The following SUPT20H variants were observed in gnomAD, a reference collection of about 807,000 sequenced individuals.
The protein encoded by SUPT20H is SPT20 homolog, SAGA complex component.
In SUPT20H, 82 loss-of-function variants were observed where a neutral mutation model predicts 122.8. That is an observed-to-expected ratio of 0.67 (90% CI 0.56 to 0.80). The LOEUF is 0.80. Ranked by LOEUF, SUPT20H falls within the 30% of genes least tolerant of loss-of-function variation. The pLI is 0.00. For synonymous variants in SUPT20H, 291 were observed against 313.0 expected, an observed-to-expected ratio of 0.93 and a Z score of 0.74; for missense variants, 831 against 921.6, an observed-to-expected ratio of 0.90 and a Z score of 1.27.
chr13:37,025,241 C>T, intron 17 of SUPT20H, 79 bp downstream of exon 17: 3 of 1,263,378 alleles, frequency 2.4e-6, no homozygotes, highest in Non-Finnish European at 3.5e-6. Flanking sequence ...TGTGCCTAGC[C>T]TCCAAAAATG....
At chr13:37,045,494 T>C in intron 5 of SUPT20H, 121 bp from the exon 6 acceptor site, 2 of 1,268,042 alleles carry the variant, frequency 1.6e-6, no homozygotes. Flanking sequence ...ATTATGATTC[T>C]GAATAAATGG....
intron 23 of SUPT20H, among the ~76,000 whole-genome samples, chr13:37,016,301 A>G (rs2060476378): frequency 6.6e-6 from 1 of 152,036 alleles, no homozygotes; most frequent in Admixed American, 6.5e-5. Flanking sequence ...GTGGTGGCAC[A>G]TGTCTGTAGC....
chr13:37,035,251 G>A (rs2064118498), intron 9 of SUPT20H, among the ~76,000 whole-genome samples: 1 of 152,200 alleles, frequency 6.6e-6, no homozygotes, highest in Non-Finnish European at 1.5e-5. Context: ...TTTCTGGAAA[G>A]GATGTGCCAT....
At chr13:37,027,011 T>C (rs115123162) in intron 14 of SUPT20H, among the ~76,000 whole-genome samples, 195 bp from the exon 15 acceptor site, 86 of 152,220 alleles carry the variant, frequency 5.6e-4, no homozygotes, top group African/African-American at 2.0e-3. Context: ...TATAGACCAA[T>C]TTTTTCACAA....
In SUPT20H at chr13:37,055,848, A is replaced by C. The variant is rs571155104; in HGVS notation, c.-94+3711T>G. Among the ~76,000 whole-genome samples, 366 of 152,338 alleles carry C rather than the reference A, an allele frequency of 2.4e-3. 3 individuals carry two copies. Among genetic ancestry groups the C allele is most frequent in the African/African-American group, 8.1e-3 (338 of 41,590 alleles). ...AACAGGCAACCTACAGAATGGGAGA[A>C]AATGTTTGCAATCTACTCATCTGAC... On this transcript the variant is annotated intron_variant, in intron 1 of 25. Coordinates refer to ENST00000350612, the MANE Select transcript of SUPT20H (RefSeq NM_001014286.3).
At chr13:37,026,354 A>G (rs1031034783) in intron 15 of SUPT20H, 118 bp from the exon 16 acceptor site, 11 of 734,396 alleles carry the variant, frequency 1.5e-5, no homozygotes, top group Non-Finnish European at 2.0e-5. Flanking sequence ...AACTGGTATT[A>G]AATCTACCAA....
chr13:37,033,436 C>A lies in SUPT20H; in HGVS notation c.707+13G>T, dbSNP rs1375157604. On this transcript the variant is annotated intron_variant, in intron 10 of 25. Transcript: ENST00000350612. ...TTGTGTCTTTTGGTTCACCCTTCCA[C>A]AAAGGCAATTACCGTTTCATTGGGC... 6.2e-7 allele frequency: 1 copy of A among 1,606,806 alleles called. No homozygotes were observed. Among genetic ancestry groups the A allele is most frequent in the Non-Finnish European group, 8.5e-7 (1 of 1,176,598 alleles).
intron 23 of SUPT20H, among the ~76,000 whole-genome samples, chr13:37,014,885 C>T (rs1040869100): frequency 6.6e-6 from 1 of 152,174 alleles, no homozygotes; most frequent in Non-Finnish European, 1.5e-5. Context: ...TTCTGACACA[C>T]ACACCAGTGA....
chr13:37,015,961 A>C (rs1461590828), intron 23 of SUPT20H, among the ~76,000 whole-genome samples: 2 of 152,240 alleles, frequency 1.3e-5, no homozygotes, highest in African/African-American at 4.8e-5. Flanking sequence ...TATATGAGGT[A>C]TCTTGAATAG....
chr13:37,017,900 T>C (rs2060796432), intron 22 of SUPT20H, among the ~76,000 whole-genome samples: 1 of 152,186 alleles, frequency 6.6e-6, no homozygotes, highest in South Asian at 2.1e-4. Context: ...CATTCAAATC[T>C]AATTTGAATT....
chr13:37,012,140 T>C, intron 24 of SUPT20H, 52 bp downstream of exon 24: 2 of 1,396,412 alleles, frequency 1.4e-6, no homozygotes, highest in East Asian at 2.3e-5. Flanking sequence ...AGATCCCAAA[T>C]AGATTAGATA....
chr13:37,033,350 A>G (rs1462490420), intron 10 of SUPT20H, 99 bp downstream of exon 10: 28 of 1,450,832 alleles, frequency 1.9e-5, no homozygotes, highest in Non-Finnish European at 2.6e-5. Flanking sequence ...TTCCCCACCA[A>G]AATCGGAGCA....
chr13:37,022,355 T>C lies in SUPT20H; in HGVS notation c.1592-275A>G. On this transcript the variant is annotated intron_variant, in intron 19 of 25. Coordinates refer to ENST00000350612, the MANE Select transcript of SUPT20H (RefSeq NM_001014286.3). The surrounding 1 kb of genome is among the most constrained non-coding windows in gnomAD (Gnocchi z 4.5). The stretch of plus-strand genomic sequence containing the variant: ...AAAAATAAAAATTGCTAGTTTGTTA[T>C]AAATGGCCAGTCCTTTTAAAATAAG... 1 of 1,355,910 alleles carries C rather than the reference T, an allele frequency of 7.4e-7. No homozygotes were observed. Among genetic ancestry groups the C allele is most frequent in the Non-Finnish European group, 9.5e-7 (1 of 1,054,352 alleles). 84.0% of individuals were successfully genotyped at this position (1,355,910 alleles called of 1,614,324 possible).
intron 9 of SUPT20H, among the ~76,000 whole-genome samples, chr13:37,036,192 T>G (rs1464231019): frequency 1.3e-5 from 2 of 152,200 alleles, no homozygotes; most frequent in African/African-American, 4.8e-5. Flanking sequence ...TAGCATTTTT[T>G]AGCAATAAAG....
intron 21 of SUPT20H, 43 bp from the exon 22 acceptor site, chr13:37,019,440 T>C (rs770461756): frequency 2.9e-6 from 4 of 1,395,618 alleles, no homozygotes; most frequent in Non-Finnish European, 3.9e-6. Flanking sequence ...TGAAAGTTTA[T>C]TACACATGAA....
At chr13:37,037,155 C>T (rs951608763) in intron 9 of SUPT20H, among the ~76,000 whole-genome samples, 1 of 146,834 alleles carries the variant, frequency 6.8e-6, no homozygotes, top group African/African-American at 2.5e-5. Context: ...TGAGATTGTG[C>T]CAATGCACTG....
intron 10 of SUPT20H, among the ~76,000 whole-genome samples, chr13:37,032,352 C>T (rs1392239588): frequency 6.6e-6 from 1 of 152,094 alleles, no homozygotes; most frequent in Admixed American, 6.6e-5. Flanking sequence ...GTTTTGGGTA[C>T]AGGCATGTAA....
At position 37,012,279 on chromosome 13, in the gene SUPT20H, T is replaced by A; in HGVS notation, c.2011A>T (p.Thr671Ser). ...GCAGATAAGGCCTGTTCTTGACTGG[T>A]TGAACCTTGCTCAGAACCCTGAATA... The part of the protein sequence containing the change: ...PGEQGSEQGS[T>S]SQEQALSAQQ... The change falls in exon 24 of 26, where the codon ACC (threonine) becomes TCC (serine). Residue 671 changes from threonine to serine, a missense_variant. Transcript: ENST00000350612. The A allele has an allele frequency of 6.2e-7, 1 of 1,613,132 alleles. No individual in the cohort carries two copies. Among genetic ancestry groups the A allele is most frequent in the Non-Finnish European group, 8.5e-7 (1 of 1,179,296 alleles).
intron 14 of SUPT20H, among the ~76,000 whole-genome samples, chr13:37,027,324 A>T (rs2062470516): frequency 6.6e-6 from 1 of 152,216 alleles, no homozygotes; most frequent in African/African-American, 2.4e-5. Flanking sequence ...AACTTAAAAA[A>T]AAAAGAAGAA....
Sources: allele counts gnomAD v4.1 joint callset (sites outside exome capture counted in the v4.1 genomes callset), GRCh38; gene constraint gnomAD v4.1.1; non-coding constraint Gnocchi (gnomAD v3.1); transcripts MANE v1.5; gene names NCBI Gene and HGNC (gene_info 2026-07-23, HGNC 2026-07-21).